THNSL1: variants seen among roughly 807,000 people sequenced by gnomAD.
The protein encoded by THNSL1 is threonine synthase like 1.
THNSL1 carries 48 observed loss-of-function variants against 50.4 expected under a neutral mutation model. The observed-to-expected ratio is 0.95, with a 90% CI of 0.76 to 1.21. The LOEUF (loss-of-function observed/expected upper bound fraction) is 1.21, where lower values mean the gene tolerates loss of function less well. Ranked by LOEUF, THNSL1 falls within the 50% of genes most tolerant of loss-of-function variation. THNSL1 has a pLI of 0.00. For synonymous variants in THNSL1, 309 were observed against 306.1 expected (o/e 1.01, Z -0.10); for missense variants, 896 against 871.7 (o/e 1.03, Z -0.35).
At chr10:25,012,162 G>A (rs1449098491), upstream of THNSL1, among the ~76,000 whole-genome samples, 1 of 152,240 alleles carries the variant, frequency 6.6e-6, no homozygotes, top group Non-Finnish European at 1.5e-5. Flanking sequence ...ATTGAGGTTT[G>A]GGAACCTCCA....
rs1850822311 is a variant in THNSL1, at chr10:25,025,160, C to G, written c.1937C>G (p.Ala646Gly). Residue 646 changes from alanine to glycine, a missense_variant, in exon 3 of 3, where the codon GCA becomes GGA. Transcript: ENST00000376356. Reference protein sequence around the residue: ...GYILDPHTAVAKVVADRVQDK... With the variant: ...GYILDPHTAVGKVVADRVQDK... ...ATTTTGGATCCACACACTGCTGTTGCAAAAGTGGTTGCAGATAGGGTGCAA... is the reference window on the plus strand; with the variant it reads ...ATTTTGGATCCACACACTGCTGTTGGAAAAGTGGTTGCAGATAGGGTGCAA... 1 of 1,614,156 alleles carries G rather than the reference C, an allele frequency of 6.2e-7. No individual in the cohort carries two copies. Among genetic ancestry groups the G allele is most frequent in the Non-Finnish European group, 8.5e-7 (1 of 1,180,026 alleles).
chr10:25,016,287 A>C (rs931861129), upstream of THNSL1: 1 of 570,186 alleles, frequency 1.8e-6, no homozygotes, highest in Non-Finnish European at 2.3e-6. Flanking sequence ...CACTGTTTTT[A>C]CGTGCCTTTG....
the THNSL1 span, among the ~76,000 whole-genome samples, chr10:24,971,298 TG>T: frequency 0.023 from 3,300 of 145,948 alleles, 119 homozygotes; most frequent in African/African-American, 0.088. Flanking sequence ...AGAGACAGGT[TG>T]CCACTATGTT....
chr10:25,004,420 CACA>C, the THNSL1 span, among the ~76,000 whole-genome samples: 3 of 152,084 alleles, frequency 2.0e-5, no homozygotes, highest in South Asian at 6.2e-4. Flanking sequence ...CCTTTTTCTC[CACA>C]ACCTCACCAG....
At chr10:25,001,166 A>G in the THNSL1 span, among the ~76,000 whole-genome samples, 1 of 152,060 alleles carries the variant, frequency 6.6e-6, no homozygotes, top group Non-Finnish European at 1.5e-5. Context: ...ATTCTGCTGT[A>G]TAAGTCCAAA....
chr10:25,012,661 T>C (rs1459059644), upstream of THNSL1, among the ~76,000 whole-genome samples: 1 of 152,224 alleles, frequency 6.6e-6, no homozygotes, highest in Non-Finnish European at 1.5e-5. Context: ...CGAATGGTTA[T>C]ATTTACCCAA....
At chr10:24,977,033 T>C in the THNSL1 span, among the ~76,000 whole-genome samples, 1 of 152,172 alleles carries the variant, frequency 6.6e-6, no homozygotes, top group Non-Finnish European at 1.5e-5. Flanking sequence ...AACATAGGCA[T>C]TAAAAATCAA....
chr10:24,991,409 C>T, the THNSL1 span, among the ~76,000 whole-genome samples: 11 of 151,934 alleles, frequency 7.2e-5, no homozygotes, highest in East Asian at 1.4e-3. Context: ...TAAAACCCCC[C>T]GAGACCCTAG....
At chr10:24,956,368 T>C in the THNSL1 span, among the ~76,000 whole-genome samples, 5 of 152,268 alleles carry the variant, frequency 3.3e-5, 1 homozygote, top group South Asian at 8.3e-4. Context: ...AGAATAAAGA[T>C]GTGCATCTTT....
At position 25,024,681 on chromosome 10, in the gene THNSL1, A is replaced by G. The variant is rs775959578; in HGVS notation, c.1458A>G (p.Ala486=). 53 of 1,614,124 alleles carry G rather than the reference A, an allele frequency of 3.3e-5. No individual in the cohort carries two copies. The highest frequency in any genetic ancestry group is 4.2e-5 in the Non-Finnish European group (49 of 1,180,046). ...CGCAGGTAGTTTATCATGCTTCCGC[A>G]TATCTTGATCTTGTTAGTCAAGGAT... ...LLPQVVYHAS[A]YLDLVSQGFI... The change falls in exon 3 of 3, where the codon GCA becomes GCG. Residue 486 remains alanine, a synonymous_variant. Coordinates refer to ENST00000376356, the MANE Select transcript of THNSL1 (RefSeq NM_024838.5).
chr10:24,953,980 G>A, the THNSL1 span, among the ~76,000 whole-genome samples: 4 of 152,232 alleles, frequency 2.6e-5, no homozygotes, highest in South Asian at 8.3e-4. Flanking sequence ...ACAGAAATGG[G>A]GGGTGTTGTT....
chr10:24,979,863 A>C, the THNSL1 span, among the ~76,000 whole-genome samples: 4 of 152,204 alleles, frequency 2.6e-5, no homozygotes, highest in African/African-American at 7.2e-5. Flanking sequence ...TCCCCAGTTC[A>C]GAAAATGGCG....
intron 1 of THNSL1, among the ~76,000 whole-genome samples, chr10:25,017,086 C>T (rs56192563): frequency 0.28 from 42,456 of 152,136 alleles, 6,474 homozygotes; most frequent in East Asian, 0.5. Context: ...GCCTGCTCTT[C>T]CCCGGGTCGG....
the THNSL1 span, among the ~76,000 whole-genome samples, chr10:24,986,309 A>G: frequency 1.3e-5 from 2 of 152,226 alleles, no homozygotes; most frequent in East Asian, 3.8e-4. Context: ...GGCACACTGT[A>G]TAGAAGAGGT....
chr10:24,990,911 C>T, the THNSL1 span, among the ~76,000 whole-genome samples: 26 of 152,214 alleles, frequency 1.7e-4, 1 homozygote, highest in African/African-American at 6.3e-4. Context: ...ACCAGCCTGG[C>T]CAACATGGTG....
chr10:25,025,422 T>C lies in THNSL1; in HGVS notation c.2199T>C (p.His733=). 6.2e-7 allele frequency: 1 copy of C among 1,610,554 alleles called. No homozygotes were observed. Among genetic ancestry groups the C allele is most frequent in the Non-Finnish European group, 8.5e-7 (1 of 1,178,732 alleles). The change falls in exon 3 of 3, where the codon CAT becomes CAC. Residue 733 remains histidine, a synonymous_variant. Coordinates refer to ENST00000376356, the MANE Select transcript of THNSL1 (RefSeq NM_024838.5). ...CTGATATGAATGTCTTGAAGAGTCA[T>C]GTGGAACAACTTGTCCAAAATCAAT... is the stretch of plus-strand genomic sequence containing the variant. ...CAADMNVLKS[H]VEQLVQNQFI
the THNSL1 span, among the ~76,000 whole-genome samples, chr10:24,965,274 T>C: frequency 2.0e-5 from 3 of 152,202 alleles, no homozygotes; most frequent in Admixed American, 1.3e-4. Flanking sequence ...GTGACTGTTG[T>C]GATGATTATC....
At chr10:24,999,481 G>C in the THNSL1 span, 1 of 1,613,180 alleles carries the variant, frequency 6.2e-7, no homozygotes, top group East Asian at 2.2e-5. Flanking sequence ...TGGTCCCATA[G>C]TTTTCATTGC....
At chr10:25,001,987 GTTC>G in the THNSL1 span, among the ~76,000 whole-genome samples, 1 of 152,012 alleles carries the variant, frequency 6.6e-6, no homozygotes, top group South Asian at 2.1e-4. Context: ...TCTTTCTGGT[GTTC>G]TTTAAATTTC....
Sources: gnomAD v4.1 joint callset for allele counts (sites outside exome capture counted in the v4.1 genomes callset) on GRCh38, gnomAD v4.1.1 for gene constraint, MANE v1.5 for transcripts, NCBI Gene and HGNC (gene_info 2026-07-23, HGNC 2026-07-21) for gene names.